The following SENP1 variants were observed in gnomAD, a reference collection of about 807,000 sequenced individuals.
SENP1 encodes SUMO specific peptidase 1.
Under a neutral mutation model 93.0 loss-of-function variants are expected in SENP1, and 21 were observed. The ratio of observed to expected loss-of-function variants is 0.23; its 90% CI spans 0.16 to 0.33. The LOEUF is 0.33. Among genes scored for constraint, SENP1 ranks in the 10% least tolerant of loss-of-function variants. SENP1 has a pLI of 1.00. For missense variants in SENP1, 591 were observed against 758.7 expected, an observed-to-expected ratio of 0.78 and a Z score of 2.60; for synonymous variants, 256 against 259.6, an observed-to-expected ratio of 0.99 and a Z score of 0.13.
intron 13 of SENP1, among the ~76,000 whole-genome samples, chr12:48,056,349 A>G (rs1344906660): frequency 1.2e-5 from 1 of 80,812 alleles, no homozygotes; most frequent in African/African-American, 4.1e-5. Flanking sequence ...TATATTACAT[A>G]TAATATATTA....
chr12:48,080,105 T>C (rs1189438495), intron 6 of SENP1: 1 of 152,220 alleles, frequency 6.6e-6, no homozygotes, highest in African/African-American at 2.4e-5. Flanking sequence ...TCACAAGTAT[T>C]TTCTCTTTTC....
At chr12:48,046,910 G>A in intron 16 of SENP1, 68 bp downstream of exon 16, 1 of 995,444 alleles carries the variant, frequency 1.0e-6, no homozygotes, top group Non-Finnish European at 1.6e-6. Flanking sequence ...TGGGAATTAA[G>A]CAGTAAAATT....
intron 9 of SENP1, among the ~76,000 whole-genome samples, chr12:48,068,382 C>A (rs1278260336): frequency 6.6e-6 from 1 of 152,118 alleles, no homozygotes; most frequent in African/African-American, 2.4e-5. Context: ...TAAAACTCTG[C>A]TCTAGATGTT....
At chr12:48,102,606 T>TA (rs1946027195) in intron 1 of SENP1, among the ~76,000 whole-genome samples, 1 of 151,878 alleles carries the variant, frequency 6.6e-6, no homozygotes, top group Non-Finnish European at 1.5e-5. Context: ...ACCATATTTT[T>TA]AAAAAATATT....
intron 6 of SENP1, among the ~76,000 whole-genome samples, chr12:48,080,685 A>G (rs1033918298): frequency 6.6e-6 from 1 of 152,204 alleles, no homozygotes; most frequent in Non-Finnish European, 1.5e-5. Flanking sequence ...GTAATATCCA[A>G]AAATAAACAT....
intron 4 of SENP1, among the ~76,000 whole-genome samples, chr12:48,095,353 T>C (rs1056649620): frequency 6.6e-6 from 1 of 151,746 alleles, no homozygotes; most frequent in Non-Finnish European, 1.5e-5. Context: ...CTGGCCAACA[T>C]GGTGAAACCC....
chr12:48,063,894 C>G lies in SENP1; in HGVS notation c.1276-53G>C. On this transcript the variant is annotated intron_variant, in intron 12 of 17. Coordinates refer to ENST00000549518, the MANE Select transcript of SENP1 (RefSeq NM_001267594.2). ...CAAACACGCGTGGCTTCAGAAAAAC[C>G]GTATTTCTCACCAAACCCCATATAA... is the stretch of plus-strand genomic sequence containing the variant. The G allele has an allele frequency of 1.4e-5, 22 of 1,536,954 alleles. No individual in the cohort carries two copies. In the South Asian group the frequency reaches 2.4e-4, roughly 17 times the overall value.
At chr12:48,048,848 T>C (rs1941568664) in intron 14 of SENP1, 81 bp downstream of exon 14, 3 of 1,024,026 alleles carry the variant, frequency 2.9e-6, no homozygotes, top group Non-Finnish European at 4.4e-6. Flanking sequence ...AGGGAACATG[T>C]AGAACTACTA....
At chr12:48,089,404 G>T in intron 4 of SENP1, 1 of 1,104,736 alleles carries the variant, frequency 9.1e-7, no homozygotes, top group Non-Finnish European at 1.2e-6. Context: ...CACTTTCTTC[G>T]TTTTAGTTAC....
At chr12:48,081,136 G>A (rs550756610) in intron 6 of SENP1, among the ~76,000 whole-genome samples, 5 of 152,084 alleles carry the variant, frequency 3.3e-5, no homozygotes, top group Non-Finnish European at 5.9e-5. Context: ...CGAGGGTTAG[G>A]AGCCCTGTAC....
chr12:48,088,723 G>T, intron 5 of SENP1, 78 bp downstream of exon 5: 1 of 1,339,846 alleles, frequency 7.5e-7, no homozygotes, highest in Non-Finnish European at 1.0e-6. Context: ...AAATCCCAAT[G>T]TAATAACTAT....
Position 48,044,357 on chromosome 12 carries a change from C to CATATATATATAT in SENP1, c.*953_*964dup, listed in dbSNP as rs35521150. On this transcript the variant is annotated 3_prime_UTR_variant, in exon 18 of 18. Coordinates refer to ENST00000549518, the MANE Select transcript of SENP1 (RefSeq NM_001267594.2). ...ATATCCCTGTGAAATTTTATACATA[C>CATATATATATAT]ATATATATATATATATATGTATGTG... 2.2e-5 allele frequency: 3 copies of CATATATATATAT among 138,580 alleles called. No homozygotes were observed. The highest frequency in any genetic ancestry group is 8.0e-5 in the African/African-American group (3 of 37,552). 8.6% of individuals were successfully genotyped at this position (138,580 alleles called of 1,614,324 possible).
At chr12:48,083,788 T>C in intron 5 of SENP1, 26 bp from the exon 6 acceptor site, 2 of 1,509,274 alleles carry the variant, frequency 1.3e-6, no homozygotes, top group African/African-American at 1.4e-5. Context: ...GTAAGAAAGA[T>C]AAGAACAGAT....
intron 5 of SENP1, among the ~76,000 whole-genome samples, chr12:48,084,150 A>G (rs1944675080): frequency 6.6e-6 from 1 of 152,198 alleles, no homozygotes; most frequent in Non-Finnish European, 1.5e-5. Context: ...TACCCCTTGT[A>G]CCCAGCCTGT....
intron 6 of SENP1, among the ~76,000 whole-genome samples, chr12:48,080,652 A>G (rs572278094): frequency 1.3e-5 from 2 of 152,342 alleles, no homozygotes; most frequent in East Asian, 3.9e-4. Flanking sequence ...CCAGGGTTAA[A>G]AAGTATTATA....
chr12:48,044,884 C>G lies in SENP1; in HGVS notation c.*438G>C. On this transcript the variant is annotated 3_prime_UTR_variant, in exon 18 of 18. Transcript: ENST00000549518. Reference sequence around the variant, plus strand: ...TGTGTGTGTGGGTGTGTGTGTATGTCCATGTATATGCTGGTGGTTTTTATC... The same window carrying G: ...TGTGTGTGTGGGTGTGTGTGTATGTGCATGTATATGCTGGTGGTTTTTATC... 1 of 177,206 alleles carries G rather than the reference C, an allele frequency of 5.6e-6. No individual in the cohort carries two copies. Among genetic ancestry groups the G allele is most frequent in the Admixed American group, 5.5e-5 (1 of 18,290 alleles). 11.0% of individuals were successfully genotyped at this position (177,206 alleles called of 1,614,324 possible).
intron 1 of SENP1, chr12:48,105,302 C>A: frequency 2.0e-6 from 1 of 502,092 alleles, no homozygotes. Context: ...GCACAGGCAC[C>A]GATAAACAGA....
At chr12:48,104,739 A>G (rs545581290) in intron 1 of SENP1, among the ~76,000 whole-genome samples, 1 of 152,208 alleles carries the variant, frequency 6.6e-6, no homozygotes, top group Non-Finnish European at 1.5e-5. Context: ...CAAAGCCGCA[A>G]TGCAAGTCAA....
intron 8 of SENP1, among the ~76,000 whole-genome samples, chr12:48,072,191 T>C (rs575364651): frequency 6.6e-6 from 1 of 152,200 alleles, no homozygotes; most frequent in Non-Finnish European, 1.5e-5. Context: ...AGTAATGTGA[T>C]AAAAATCTCT....
Sources: gnomAD v4.1 joint callset for allele counts (sites outside exome capture counted in the v4.1 genomes callset) on GRCh38, gnomAD v4.1.1 for gene constraint, MANE v1.5 for transcripts, NCBI Gene and HGNC (gene_info 2026-07-23, HGNC 2026-07-21) for gene names.